KDM4B: variants seen among roughly 807,000 people sequenced by gnomAD.
KDM4B encodes lysine-specific demethylase 4B.
In KDM4B, 32 loss-of-function variants were observed where a neutral mutation model predicts 125.2. The ratio of observed to expected loss-of-function variants is 0.26; its 90% CI spans 0.19 to 0.34. KDM4B has a LOEUF of 0.34. Ranked by LOEUF, KDM4B falls within the 10% of genes least tolerant of loss-of-function variation. The pLI is 1.00. For synonymous variants in KDM4B, 721 were observed against 677.9 expected (o/e 1.06, Z -0.99); for missense variants, 1,190 against 1,577.7 (o/e 0.75, Z 4.16).
chr19:5,140,744 A>C (rs2039726907), intron 18 of KDM4B: 1 of 140,758 alleles, frequency 7.1e-6, no homozygotes, highest in South Asian at 2.4e-4. Flanking sequence ...CAAAAAAAAA[A>C]AGATGAGGAG....
At chr19:5,124,689 A>T (rs958030800) in intron 11 of KDM4B, among the ~76,000 whole-genome samples, 1 of 152,130 alleles carries the variant, frequency 6.6e-6, no homozygotes, top group African/African-American at 2.4e-5. Flanking sequence ...TCTACCTCCC[A>T]GGTTCAAACG....
intron 2 of KDM4B, among the ~76,000 whole-genome samples, chr19:5,019,055 TTGGTGTGGACGTTGGTGTGCAGGTGC>T (rs751217270): frequency 0.26 from 37,288 of 146,050 alleles, 5,161 homozygotes; most frequent in East Asian, 0.64. Context: ...TGTGCAGGTG[TTGGTGTGGACGTTGGTGTGCAGGTGC>T]TGGTGTGGAC....
chr19:5,028,045 T>C (rs2036335885), intron 2 of KDM4B, among the ~76,000 whole-genome samples: 1 of 152,212 alleles, frequency 6.6e-6, no homozygotes, highest in Admixed American at 6.5e-5. Flanking sequence ...GGTGCAGTCA[T>C]AGCTCACTGC....
intron 1 of KDM4B, among the ~76,000 whole-genome samples, chr19:4,984,552 G>A (rs548144270): frequency 2.6e-4 from 40 of 152,262 alleles, no homozygotes; most frequent in African/African-American, 9.4e-4. Context: ...CCAGGACTCC[G>A]CGTCTCTCCT....
intron 2 of KDM4B, among the ~76,000 whole-genome samples, chr19:5,031,585 C>T (rs1599456724): frequency 6.6e-6 from 1 of 152,304 alleles, no homozygotes. Context: ...CGGGGTGTGA[C>T]GTCAGGGCTG....
Position 5,035,069 on chromosome 19 carries a change from G to A in KDM4B, c.141+2038G>A, listed in dbSNP as rs757049367. Reference sequence around the variant, plus strand: ...GGTCAGAACGGTGGGGGCTGCTGCCGTCCCGGCTTCAGTTCTGTCTTTAAA... The same window carrying A: ...GGTCAGAACGGTGGGGGCTGCTGCCATCCCGGCTTCAGTTCTGTCTTTAAA... On this transcript the variant is annotated intron_variant, in intron 3 of 22. Coordinates refer to ENST00000159111, the MANE Select transcript of KDM4B (RefSeq NM_015015.3). This position sits in a 1 kb window ranked among gnomAD's most constrained non-coding sequence, Gnocchi z 5.3. Among the ~76,000 whole-genome samples the A allele has an allele frequency of 1.3e-5, 2 of 152,152 alleles. No homozygotes were observed. Among genetic ancestry groups the A allele is most frequent in the African/African-American group, 2.4e-5 (1 of 41,436 alleles).
chr19:5,112,053 G>GACC (rs1018762045), intron 10 of KDM4B: 27 of 527,614 alleles, frequency 5.1e-5, no homozygotes, highest in Non-Finnish European at 7.8e-5. Context: ...AGGGGTTTGA[G>GACC]ACCAGCCTGG....
chr19:5,137,843 C>T (rs1476043208), intron 17 of KDM4B, 119 bp from the exon 18 acceptor site: 15 of 1,059,812 alleles, frequency 1.4e-5, no homozygotes, highest in African/African-American at 9.4e-5. Context: ...ACGCCTGCAC[C>T]GACCTTCCTG....
At chr19:5,104,376 A>G (rs2038995984) in intron 9 of KDM4B, among the ~76,000 whole-genome samples, 1 of 152,244 alleles carries the variant, frequency 6.6e-6, no homozygotes, top group South Asian at 2.1e-4. Flanking sequence ...AGAGCCTATA[A>G]TAGTTCAGAC....
At chr19:5,095,522 T>C (rs1452569582) in intron 9 of KDM4B, among the ~76,000 whole-genome samples, 1 of 152,366 alleles carries the variant, frequency 6.6e-6, no homozygotes, top group Admixed American at 6.5e-5. Flanking sequence ...TGTCTGCAGG[T>C]GGCCAGGGTC....
chr19:5,109,485 C>T (rs1025359751), intron 9 of KDM4B, among the ~76,000 whole-genome samples: 10 of 152,154 alleles, frequency 6.6e-5, no homozygotes, highest in Non-Finnish European at 7.3e-5. Context: ...GGGCTGAGGG[C>T]GTGAGAGCGG....
At chr19:5,044,950 T>G (rs1411404299) in intron 5 of KDM4B, among the ~76,000 whole-genome samples, 1 of 152,218 alleles carries the variant, frequency 6.6e-6, no homozygotes, top group African/African-American at 2.4e-5. Flanking sequence ...CAGCGCTGAA[T>G]AATACTCCAT....
chr19:5,007,207 T>G (rs532981320), intron 1 of KDM4B, among the ~76,000 whole-genome samples: 1 of 152,346 alleles, frequency 6.6e-6, no homozygotes, highest in South Asian at 2.1e-4. Flanking sequence ...GAATGGCAGC[T>G]CTTGGCCAGG....
chr19:5,041,057 C>G (rs1472930653), intron 4 of KDM4B, 80 bp from the exon 5 acceptor site: 6 of 903,998 alleles, frequency 6.6e-6, no homozygotes, highest in Non-Finnish European at 1.1e-5. Flanking sequence ...CATGGGTGCC[C>G]TGGGTTCCAG....
chr19:5,088,662 CCCT>C, intron 9 of KDM4B, among the ~76,000 whole-genome samples: 1 of 104,068 alleles, frequency 9.6e-6, no homozygotes, highest in African/African-American at 3.5e-5. Flanking sequence ...CAGGCCCCCC[CCCT>C]CCCCCCCCCC....
Position 5,133,972 on chromosome 19 carries a change from A to G in KDM4B, c.1996A>G (p.Ser666Gly). The G allele has an allele frequency of 6.2e-7, 1 of 1,612,788 alleles. No individual in the cohort carries two copies. Residue 666 changes from serine (S) to glycine (G), a missense_variant, in exon 14 of 23, where the codon AGC (serine) becomes GGC (glycine). Ser to Gly is a moderately conservative substitution (Grantham distance 56, BLOSUM62 0). Around this residue, in one of 7 missense-constraint regions of KDM4B, gnomAD observed 128 missense variants for 137.8 expected, o/e 0.93. Transcript: ENST00000159111. ...LSLQWKNRAA[S>G]FQAERKFNAA... ...TCTGCAGTGGAAGAACAGGGCGGCC[A>G]GCTTCCAGGCCGAGAGGAAGTTCAA...
intron 8 of KDM4B, chr19:5,080,883 C>T (rs900729825): frequency 1.3e-5 from 2 of 152,200 alleles, no homozygotes; most frequent in South Asian, 4.1e-4. Flanking sequence ...GGAGCGGTCG[C>T]CTGGTGCACA....
intron 1 of KDM4B, among the ~76,000 whole-genome samples, chr19:4,984,255 T>C (rs1202138661): frequency 6.6e-6 from 1 of 152,192 alleles, no homozygotes; most frequent in Non-Finnish European, 1.5e-5. Context: ...GATTTTTCTC[T>C]GGGCTTGTTT....
At chr19:5,144,959 C>CG (rs2146105297) in intron 21 of KDM4B, 57 bp downstream of exon 21, 1 of 1,607,122 alleles carries the variant, frequency 6.2e-7, no homozygotes, top group Admixed American at 1.7e-5. Context: ...CTTGTAGGTG[C>CG]GGGGACAGGA....
Sources: gnomAD v4.1 joint callset for allele counts (sites outside exome capture counted in the v4.1 genomes callset) on GRCh38, gnomAD v4.1.1 for gene constraint, gnomAD v4.1.1 regional missense constraint, Gnocchi (gnomAD v3.1) non-coding constraint, MANE v1.5 for transcripts, NCBI Gene and HGNC (gene_info 2026-07-23, HGNC 2026-07-21) for gene names.